RAET1G: variants seen among roughly 807,000 people sequenced by gnomAD.
RAET1G encodes UL-16 binding protein 5.
In RAET1G, 25 loss-of-function variants were observed where a neutral mutation model predicts 29.5. The ratio of observed to expected loss-of-function variants is 0.85; its 90% confidence interval spans 0.62 to 1.18. The LOEUF is 1.18. RAET1G is among the 50% of genes most tolerant of loss of function. RAET1G has a pLI of 0.00. For synonymous variants in RAET1G, 167 were observed against 159.5 expected (o/e 1.05, Z -0.36); for missense variants, 434 against 423.6 (o/e 1.02, Z -0.22).
intron 4 of RAET1G, 48 bp downstream of exon 4, chr6:149,918,126 C>T (rs1429600870): frequency 6.5e-7 from 1 of 1,546,250 alleles, no homozygotes; most frequent in Admixed American, 1.7e-5. Context: ...CCTGTCCTCC[C>T]TCCTCACCCA....
At position 149,919,749 on chromosome 6, in the gene RAET1G, C is replaced by T. The variant is rs770106067; in HGVS notation, c.153G>A (p.Ala51=). Residue 51 remains alanine, a synonymous_variant, in exon 2 of 5, where the codon GCG becomes GCA. Transcript: ENST00000367360. ...TCTTTTCATCCACCTGGCCTTGAAC[C>T]GCACACCACCGTGGTCCAGGTCTGA... ...PKFRPGPRWC[A]VQGQVDEKTF... is the part of the protein sequence containing the mutation. 1.2e-5 allele frequency: 19 copies of T among 1,612,740 alleles called. No homozygotes were observed. Among genetic ancestry groups the T allele is most frequent in the African/African-American group, 9.3e-5 (7 of 74,886 alleles).
At position 149,919,921 on chromosome 6, in the gene RAET1G, C is replaced by T. The variant is rs1778559158; in HGVS notation, c.86-105G>A. 3 of 1,603,336 alleles carry T rather than the reference C, an allele frequency of 1.9e-6. No homozygotes were observed. The South Asian group carries it at 3.4e-5, about 18-fold the overall frequency. ...GGAAGCCTCTGGAGGGCTGGGCTGGCCCAGCAAGGAGTGCCTCCTCCAGAA... is the reference window on the plus strand; with the variant it reads ...GGAAGCCTCTGGAGGGCTGGGCTGGTCCAGCAAGGAGTGCCTCCTCCAGAA... On this transcript the variant is annotated intron_variant, in intron 1 of 4. Coordinates refer to ENST00000367360, the MANE Select transcript of RAET1G (RefSeq NM_001001788.4).
At position 149,919,109 on chromosome 6, in the gene RAET1G, C is replaced by G. The variant is rs370884991; in HGVS notation, c.565G>C (p.Asp189His). 6.2e-7 allele frequency: 1 copy of G among 1,614,080 alleles called. No homozygotes were observed. The highest frequency in any genetic ancestry group is 8.5e-7 in the Non-Finnish European group (1 of 1,180,044). ...AAGTCCTCAAGCCATCCTGTGCAGT[C>G]TCCCATTGAGATGTAATGGAAGGAC... ...TMSFHYISMG[D>H]CTGWLEDFLM... The change falls in exon 3 of 5, where the codon GAC becomes CAC. Residue 189 changes from aspartate (D) to histidine (H), a missense_variant. Asp to His is a moderately conservative substitution (Grantham distance 81, BLOSUM62 -1). Transcript: ENST00000367360.
At chr6:149,918,106 A>G (rs1778490684) in intron 4 of RAET1G, 68 bp downstream of exon 4, 1 of 1,385,594 alleles carries the variant, frequency 7.2e-7, no homozygotes, top group South Asian at 1.3e-5. Flanking sequence ...GACTCTGGGA[A>G]TTCTCCATCC....
chr6:149,921,173 G>T (rs1002313082), intron 1 of RAET1G, among the ~76,000 whole-genome samples: 1 of 152,208 alleles, frequency 6.6e-6, no homozygotes, highest in African/African-American at 2.4e-5. Context: ...CTGTTGAAGC[G>T]CAAAGGCAGC....
chr6:149,922,044 C>G (rs1582802520), intron 1 of RAET1G, among the ~76,000 whole-genome samples: 1 of 152,142 alleles, frequency 6.6e-6, no homozygotes, highest in Non-Finnish European at 1.5e-5. Context: ...TTTGCTGACC[C>G]CTGTCTACAC....
At position 149,919,637 on chromosome 6, in the gene RAET1G, C is replaced by A. The variant is rs779660332; in HGVS notation, c.265G>T (p.Ala89Ser). 3 of 1,614,014 alleles carry A rather than the reference C, an allele frequency of 1.9e-6. No individual in the cohort carries two copies. The highest frequency in any genetic ancestry group is 1.3e-5 in the African/African-American group (1 of 75,050). ...KKLNVTTAWK[A>S]QNPVLREVVD... Reference sequence around the variant, plus strand: ...ACCTCTCTCAGTACTGGGTTCTGTGCTTTCCAGGCCGTTGTGACATTTAGT... The same window carrying A: ...ACCTCTCTCAGTACTGGGTTCTGTGATTTCCAGGCCGTTGTGACATTTAGT... Residue 89 changes from alanine (A) to serine (S), a missense_variant, in exon 2 of 5, where the codon GCA becomes TCA. By Grantham distance (99) the Ala-to-Ser change is moderately conservative. Transcript: ENST00000367360.
intron 1 of RAET1G, 40 bp from the exon 2 acceptor site, chr6:149,919,856 A>C (rs1391613476): frequency 6.2e-7 from 1 of 1,611,958 alleles, no homozygotes; most frequent in African/African-American, 1.3e-5. Flanking sequence ...GGGGAGGAAA[A>C]GACCCCTAGA....
At chr6:149,921,457 C>T (rs1266742733) in intron 1 of RAET1G, among the ~76,000 whole-genome samples, 4 of 152,146 alleles carry the variant, frequency 2.6e-5, no homozygotes, top group South Asian at 2.1e-4. Flanking sequence ...CTGCCCATTA[C>T]GGGTGGGCTC....
rs1219020084 is a variant in RAET1G, at chr6:149,919,371, G to GC, written c.350-48dup. On this transcript the variant is annotated intron_variant, in intron 2 of 4. Transcript: ENST00000367360. Reference sequence around the variant, plus strand: ...CAGCTCTGGCCTTGACAGATATTGAGCCCCCATCCTCTTCCACTTGCAATT... The same window carrying GC: ...CAGCTCTGGCCTTGACAGATATTGAGCCCCCCATCCTCTTCCACTTGCAATT... 12 of 1,598,056 alleles carry GC rather than the reference G, an allele frequency of 7.5e-6. No homozygotes were observed. The Admixed American group carries it at 2.0e-4, about 27-fold the overall frequency.
chr6:149,919,162 T>A lies in RAET1G; in HGVS notation c.512A>T (p.Lys171Met). 1 of 1,614,200 alleles carries A rather than the reference T, an allele frequency of 6.2e-7. No individual in the cohort carries two copies. The stretch of plus-strand genomic sequence containing the variant: ...GGTCATATCCTTGTCATTCTCCCAC[T>A]TTTCTTTCATCTTTCTGGCTCCAGG... ...VHPGARKMKE[K>M]WENDKDMTMS... Residue 171 changes from lysine (K) to methionine (M), a missense_variant, in exon 3 of 5, where the codon AAG becomes ATG. Lys to Met is a moderately conservative substitution (Grantham distance 95). Coordinates refer to ENST00000367360, the MANE Select transcript of RAET1G (RefSeq NM_001001788.4).
At chr6:149,922,016 C>G (rs1176726160) in intron 1 of RAET1G, among the ~76,000 whole-genome samples, 1 of 152,186 alleles carries the variant, frequency 6.6e-6, no homozygotes, top group African/African-American at 2.4e-5. Flanking sequence ...GGCATCCTTC[C>G]TCCCTTTCTA....
At position 149,923,100 on chromosome 6, in the gene RAET1G, GAATGCAGCCCT is replaced by G. The variant is rs1261103824; in HGVS notation, c.-101_-91del. On this transcript the variant is annotated 5_prime_UTR_variant, in exon 1 of 5. Coordinates refer to ENST00000367360, the MANE Select transcript of RAET1G (RefSeq NM_001001788.4). ...CAGGCTGTCTGAATGCAGCCCGTCT[GAATGCAGCCCT>G]AAACTCCAGTAAGCCCTAAACTCTA... 3 of 839,392 alleles carry G rather than the reference GAATGCAGCCCT, an allele frequency of 3.6e-6. No homozygotes were observed. The highest frequency in any genetic ancestry group is 5.5e-6 in the Non-Finnish European group (3 of 548,258). 52.0% of individuals were successfully genotyped at this position (839,392 alleles called of 1,614,324 possible). A position where few individuals can be genotyped will look rare whatever the true frequency, so the allele number is the denominator to read the frequency against.
At chr6:149,920,210 G>A (rs761574529) in intron 1 of RAET1G, among the ~76,000 whole-genome samples, 2 of 152,150 alleles carry the variant, frequency 1.3e-5, no homozygotes, top group Non-Finnish European at 2.9e-5. Context: ...TGAGGATACT[G>A]GTGCATGGTG....
rs765480407 is a variant in RAET1G, at chr6:149,917,014, G to A, written c.903C>T (p.Ile301=). Residue 301 remains isoleucine, a synonymous_variant, in exon 5 of 5, where the codon ATC becomes ATT. Coordinates refer to ENST00000367360, the MANE Select transcript of RAET1G (RefSeq NM_001001788.4). ...GGHVTRVTLP[I]IGDDSHSLPC... The stretch of plus-strand genomic sequence containing the variant: ...GTAAGGAGTGTGAGTCGTCTCCAAT[G>A]ATAGGTAAAGTCACGCGAGTCACGT... 1 of 1,550,836 alleles carries A rather than the reference G, an allele frequency of 6.4e-7. No individual in the cohort carries two copies. Among genetic ancestry groups the A allele is most frequent in the Non-Finnish European group, 8.7e-7 (1 of 1,146,448 alleles).
chr6:149,918,625 C>G, intron 3 of RAET1G: 1 of 618,316 alleles, frequency 1.6e-6, no homozygotes, highest in South Asian at 2.0e-5. Context: ...CCTGCTGTGG[C>G]GGAAGAGGAG....
chr6:149,918,655 G>A, intron 3 of RAET1G: 1 of 591,190 alleles, frequency 1.7e-6, no homozygotes, highest in South Asian at 2.1e-5. Context: ...CAGGGTGCGG[G>A]AGGGGAGGGT....
intron 4 of RAET1G, 25 bp from the exon 5 acceptor site, chr6:149,917,099 C>T: frequency 6.6e-7 from 1 of 1,524,082 alleles, no homozygotes; most frequent in Non-Finnish European, 8.8e-7. Context: ...GAGAGGACAG[C>T]TTACGTCATT....
rs148236638 is a variant in RAET1G, at chr6:149,919,481, C to T, written c.349+72G>A. On this transcript the variant is annotated intron_variant, in intron 2 of 4. Transcript: ENST00000367360. ...GATGACCTTCCTATTTGTATTTTTACATGAAAACTATAAATGCCTCTAACC... is the reference window on the plus strand; with the variant it reads ...GATGACCTTCCTATTTGTATTTTTATATGAAAACTATAAATGCCTCTAACC... 6.2e-4 allele frequency: 994 copies of T among 1,613,164 alleles called. 4 individuals are homozygous for T. In the African/African-American group the frequency reaches 0.012, roughly 19 times the overall value.
Sources: allele counts gnomAD v4.1 joint callset (sites outside exome capture counted in the v4.1 genomes callset), GRCh38; gene constraint gnomAD v4.1.1; transcripts MANE v1.5; gene names NCBI Gene and HGNC (gene_info 2026-07-23, HGNC 2026-07-21).